The following LRBA variants were observed in gnomAD, a reference collection of about 807,000 sequenced individuals.
The protein encoded by LRBA is lipopolysaccharide-responsive and beige-like anchor protein.
LRBA carries 176 observed loss-of-function variants against 330.0 expected under a neutral mutation model. The observed-to-expected ratio is 0.53, with a 90% CI of 0.47 to 0.60. The LOEUF is 0.60. LRBA is among the 20% of genes least tolerant of loss of function. The probability of loss-of-function intolerance (pLI) is 0.00; values close to 1 mark genes in which losing one functional copy is unlikely to be tolerated. For missense variants in LRBA, 3,259 were observed against 3,444.8 expected, an observed-to-expected ratio of 0.95 and a Z score of 1.35; for synonymous variants, 1,230 against 1,193.0, an observed-to-expected ratio of 1.03 and a Z score of -0.64.
intron 40 of LRBA, chr4:150,582,926 G>A (rs1581738987): frequency 7.4e-7 from 1 of 1,348,996 alleles, no homozygotes; most frequent in East Asian, 2.3e-5. Context: ...AACGGGGAGC[G>A]CACCGCCTCT....
chr4:150,895,876 T>C (rs1730026983), intron 16 of LRBA, among the ~76,000 whole-genome samples: 2 of 152,318 alleles, frequency 1.3e-5, no homozygotes, highest in Non-Finnish European at 1.5e-5. Context: ...TCCACAATGG[T>C]TGAACTACTT....
At chr4:150,760,790 C>T (rs1734963448) in intron 35 of LRBA, among the ~76,000 whole-genome samples, 1 of 152,104 alleles carries the variant, frequency 6.6e-6, no homozygotes, top group African/African-American at 2.4e-5. Context: ...ATTTCTATCA[C>T]AGAATTTAGC....
chr4:150,411,032 T>C (rs1581232919), intron 47 of LRBA, among the ~76,000 whole-genome samples: 3 of 152,314 alleles, frequency 2.0e-5, no homozygotes, highest in South Asian at 4.1e-4. Flanking sequence ...ATGCTGTATC[T>C]GAAATAAATT....
chr4:150,489,711 A>C (rs1251703265), intron 41 of LRBA, among the ~76,000 whole-genome samples: 1 of 131,778 alleles, frequency 7.6e-6, no homozygotes, highest in Non-Finnish European at 1.6e-5. Flanking sequence ...TATATATTAT[A>C]TATAAGAATA....
At chr4:150,936,422 T>A (rs1376613234) in intron 2 of LRBA, among the ~76,000 whole-genome samples, 2 of 151,922 alleles carry the variant, frequency 1.3e-5, no homozygotes, top group African/African-American at 4.8e-5. Flanking sequence ...ACACCAGTAT[T>A]CTCAGGAAGA....
At position 150,980,647 on chromosome 4, in the gene LRBA, AGGAAGG is replaced by A. The variant is rs563180578; in HGVS notation, c.216+33774_216+33779del. 2.5e-3 allele frequency among the ~76,000 whole-genome samples: 385 copies of A among 152,250 alleles called. 2 individuals are homozygous for A. The highest frequency in any genetic ancestry group is 3.8e-3 in the Non-Finnish European group (258 of 67,994). ...TGACAGAGTGAAATTCGGAGAGAAA[AGGAAGG>A]GGAAGGGGAAGGGGAATCCAAATTG... On this transcript the variant is annotated intron_variant, in intron 2 of 56. Coordinates refer to ENST00000651943, the MANE Select transcript of LRBA (RefSeq NM_001364905.1).
intron 22 of LRBA, among the ~76,000 whole-genome samples, chr4:150,867,132 A>C (rs1289608572): frequency 6.6e-6 from 1 of 151,472 alleles, no homozygotes; most frequent in Non-Finnish European, 1.5e-5. Context: ...AAAAAAAAAA[A>C]ACTACATTCT....
At chr4:150,391,156 C>T (rs773975119) in intron 47 of LRBA, among the ~76,000 whole-genome samples, 1 of 152,154 alleles carries the variant, frequency 6.6e-6, no homozygotes, top group Non-Finnish European at 1.5e-5. Flanking sequence ...CTTACTGTTG[C>T]CTCTTTCCAA....
chr4:150,880,049 A>G (rs947505878), intron 17 of LRBA, among the ~76,000 whole-genome samples: 11 of 152,118 alleles, frequency 7.2e-5, no homozygotes, highest in Non-Finnish European at 1.2e-4. Flanking sequence ...AAACAGACAC[A>G]TGTGTCAATG....
At chr4:150,992,463 T>C (rs1183784107) in intron 2 of LRBA, among the ~76,000 whole-genome samples, 1 of 152,158 alleles carries the variant, frequency 6.6e-6, no homozygotes, top group Non-Finnish European at 1.5e-5. Context: ...TAGGATGAGT[T>C]AGAGCATCAG....
At chr4:150,461,543 G>C (rs1754775446) in intron 44 of LRBA, among the ~76,000 whole-genome samples, 1 of 151,636 alleles carries the variant, frequency 6.6e-6, no homozygotes, top group African/African-American at 2.4e-5. Flanking sequence ...TTCTGCCTCT[G>C]TAAAAAACAA....
chr4:150,808,460 A>G (rs1743124062), intron 31 of LRBA, 62 bp from the exon 32 acceptor site: 2 of 901,710 alleles, frequency 2.2e-6, no homozygotes, highest in Non-Finnish European at 3.7e-6. Context: ...GATTTAAATA[A>G]AAAGAATGTC....
intron 48 of LRBA, among the ~76,000 whole-genome samples, chr4:150,339,179 A>G (rs1735152288): frequency 6.6e-6 from 1 of 152,208 alleles, no homozygotes; most frequent in African/African-American, 2.4e-5. Context: ...CAAATGTTAA[A>G]AAGTATGAAA....
At chr4:150,633,538 G>A (rs545470850) in intron 37 of LRBA, among the ~76,000 whole-genome samples, 7 of 152,296 alleles carry the variant, frequency 4.6e-5, no homozygotes, top group Admixed American at 4.6e-4. Context: ...CCTTCAATGT[G>A]AAAGGCATCG....
At chr4:150,865,118 G>A (rs1015392304) in intron 22 of LRBA, among the ~76,000 whole-genome samples, 4 of 152,000 alleles carry the variant, frequency 2.6e-5, no homozygotes, top group African/African-American at 9.7e-5. Flanking sequence ...AGAAATCTCT[G>A]AAATCTACTC....
In LRBA at chr4:150,852,282, T is replaced by C; in HGVS notation, c.3428A>G (p.Glu1143Gly). The change falls in exon 23 of 57, where the codon GAA becomes GGA. Residue 1143 changes from glutamate (E) to glycine (G), a missense_variant. By Grantham distance (98) the Glu-to-Gly change is moderately conservative. Transcript: ENST00000651943. ...ATCATTACCAAACATGTCCAGTTTT[T>C]CACCGGCTTCAGATGCAGCTGGAGA... The part of the protein sequence containing the change: ...SLSPAASEAG[E>G]KLDMFGNDDK... 6.2e-7 allele frequency: 1 copy of C among 1,614,160 alleles called. No homozygotes were observed. Among genetic ancestry groups the C allele is most frequent in the East Asian group, 2.2e-5 (1 of 44,888 alleles).
intron 37 of LRBA, among the ~76,000 whole-genome samples, chr4:150,607,456 G>A (rs1774768026): frequency 6.6e-6 from 1 of 151,744 alleles, no homozygotes; most frequent in Non-Finnish European, 1.5e-5. Context: ...AGATAAAGAT[G>A]CTATTTAATT....
intron 50 of LRBA, among the ~76,000 whole-genome samples, chr4:150,318,343 T>C (rs1254426288): frequency 1.3e-5 from 2 of 152,170 alleles, no homozygotes; most frequent in African/African-American, 4.8e-5. Context: ...AAAGATTATT[T>C]ATTTTCTAAA....
intron 48 of LRBA, among the ~76,000 whole-genome samples, chr4:150,337,011 T>C (rs1734841122): frequency 6.6e-6 from 1 of 152,144 alleles, no homozygotes; most frequent in African/African-American, 2.4e-5. Flanking sequence ...GAAAAATAAG[T>C]GGAATGTCTT....
Sources: allele counts gnomAD v4.1 joint callset (sites outside exome capture counted in the v4.1 genomes callset), GRCh38; gene constraint gnomAD v4.1.1; transcripts MANE v1.5; gene names NCBI Gene and HGNC (gene_info 2026-07-23, HGNC 2026-07-21).